DOP1A: variants seen among roughly 807,000 people sequenced by gnomAD.
DOP1A encodes the protein DOP1 leucine zipper like protein A.
In DOP1A, 90 loss-of-function variants were observed where a neutral mutation model predicts 267.6. The observed-to-expected ratio is 0.34, with a 90% CI of 0.28 to 0.40. The LOEUF (loss-of-function observed/expected upper bound fraction) is 0.40, where lower values mean the gene tolerates loss of function less well. Among genes scored for constraint, DOP1A ranks in the 10% least tolerant of loss-of-function variants. The probability of loss-of-function intolerance (pLI) is 1.00; values close to 1 mark genes in which losing one functional copy is unlikely to be tolerated. For synonymous variants in DOP1A, 932 were observed against 999.1 expected (o/e 0.93, Z 1.27); for missense variants, 2,437 against 2,900.4 (o/e 0.84, Z 3.67).
At chr6:83,154,145 A>G in intron 32 of DOP1A, 35 bp from the exon 33 acceptor site, 1 of 1,611,792 alleles carries the variant, frequency 6.2e-7, no homozygotes. Context: ...AACAGTAACA[A>G]CATAATTACA....
chr6:83,153,299 C>A, intron 30 of DOP1A: 1 of 336,092 alleles, frequency 3.0e-6, no homozygotes, highest in Non-Finnish European at 5.3e-6. Flanking sequence ...TTGGAAATGG[C>A]AAGATTTGCC....
Position 83,148,818 on chromosome 6 carries a change from C to A in DOP1A, c.5792C>A (p.Ser1931Tyr). 6.4e-7 allele frequency: 1 copy of A among 1,555,374 alleles called. No individual in the cohort carries two copies. Among genetic ancestry groups the A allele is most frequent in the Non-Finnish European group, 8.6e-7 (1 of 1,160,628 alleles). The part of the protein sequence containing the change: ...WASLLILLKD[S>Y]IQLSLPAPGQ... ...TCACTGTTGATACTTCTGAAAGACT[C>A]TATACAACTGAGTCTTCCAGCTCCA... is the stretch of plus-strand genomic sequence containing the variant. The change falls in exon 27 of 39, where the codon TCT becomes TAT. Residue 1931 changes from serine (S) to tyrosine (Y), a missense_variant. This residue lies in a region of DOP1A where 216 missense variants were observed against 283.3 expected (regional missense o/e 0.76). Coordinates refer to ENST00000349129, the MANE Select transcript of DOP1A (RefSeq NM_015018.4).
chr6:83,147,579 T>G (rs902441370), intron 26 of DOP1A, among the ~76,000 whole-genome samples: 4 of 152,234 alleles, frequency 2.6e-5, no homozygotes, highest in Admixed American at 2.0e-4. Context: ...TCTGCTTTTT[T>G]AATGTTAGGA....
chr6:83,102,692 T>C (rs971349316), intron 4 of DOP1A, among the ~76,000 whole-genome samples: 2 of 152,198 alleles, frequency 1.3e-5, no homozygotes, highest in African/African-American at 2.4e-5. Context: ...ACCAGTGTAA[T>C]CTTTTTAATA....
intron 1 of DOP1A, among the ~76,000 whole-genome samples, chr6:83,085,246 C>T (rs1200918942): frequency 6.6e-6 from 1 of 152,052 alleles, no homozygotes; most frequent in Non-Finnish European, 1.5e-5. Context: ...TATTTGAGGC[C>T]CTACTGTTTA....
intron 38 of DOP1A, chr6:83,166,348 T>C (rs1237479007): frequency 1.4e-6 from 1 of 693,430 alleles, no homozygotes; most frequent in Non-Finnish European, 2.6e-6. Flanking sequence ...ACTCCTCATC[T>C]TCAAGGCTCT....
intron 38 of DOP1A, chr6:83,167,178 G>A (rs1322213972): frequency 2.6e-5 from 23 of 892,380 alleles, no homozygotes; most frequent in Non-Finnish European, 3.1e-5. Context: ...TTTTATAAGT[G>A]AGGAACCTTT....
At chr6:83,103,520 CAA>C (rs774951177) in intron 4 of DOP1A, among the ~76,000 whole-genome samples, 3 of 152,172 alleles carry the variant, frequency 2.0e-5, no homozygotes, top group Non-Finnish European at 4.4e-5. Context: ...TGCCTTTCAC[CAA>C]TTTTGGAAAA....
At chr6:83,108,084 G>A (rs888018782) in intron 4 of DOP1A, among the ~76,000 whole-genome samples, 15 of 152,210 alleles carry the variant, frequency 9.9e-5, no homozygotes, top group Non-Finnish European at 1.9e-4. Context: ...GTAGCTATCT[G>A]GTGGAGATAC....
At chr6:83,157,394 TATTA>T in intron 35 of DOP1A, 76 bp downstream of exon 35, 7 of 1,438,474 alleles carry the variant, frequency 4.9e-6, no homozygotes, top group Non-Finnish European at 6.8e-6. Context: ...GCTTACTAGA[TATTA>T]ACGAATATTG....
At position 83,091,487 on chromosome 6, in the gene DOP1A, T is replaced by C. The variant is rs540482780; in HGVS notation, c.-146-5244T>C. Among the ~76,000 whole-genome samples, 115 of 152,050 alleles carry C rather than the reference T, an allele frequency of 7.6e-4. 1 individual carries two copies. Among genetic ancestry groups the C allele is most frequent in the Middle Eastern group, 6.8e-3 (2 of 294 alleles). ...TTTAAATATTTAGGAATTTATTGCCTAAAAAAAAGTAAGAAAGTTCAAATT... is the reference window on the plus strand; with the variant it reads ...TTTAAATATTTAGGAATTTATTGCCCAAAAAAAAGTAAGAAAGTTCAAATT... On this transcript the variant is annotated intron_variant, in intron 1 of 38. Transcript: ENST00000349129.
At position 83,124,789 on chromosome 6, in the gene DOP1A, G is replaced by A. The variant is rs1436248647; in HGVS notation, c.1425G>A (p.Leu475=). 6.2e-7 allele frequency: 1 copy of A among 1,613,056 alleles called. No individual in the cohort carries two copies. Among genetic ancestry groups the A allele is most frequent in the Non-Finnish European group, 8.5e-7 (1 of 1,179,512 alleles). The part of the protein sequence containing the change: ...SELQLTNFCL[L]VDFLLDIVSL... The stretch of plus-strand genomic sequence containing the variant: ...TACAGCTGACCAATTTCTGCTTACT[G>A]GTGGATTTTTTGTTGGACATAGTTT... Residue 475 remains leucine (L), a synonymous_variant, in exon 13 of 39, where the codon CTG becomes CTA. Transcript: ENST00000349129.
chr6:83,070,344 T>C (rs1342273660), intron 1 of DOP1A, among the ~76,000 whole-genome samples: 1 of 152,212 alleles, frequency 6.6e-6, no homozygotes, highest in African/African-American at 2.4e-5. Flanking sequence ...CGGTTTCCCT[T>C]TTTCCTTTAT....
chr6:83,163,091 G>C (rs1226314326), intron 38 of DOP1A, among the ~76,000 whole-genome samples, 172 bp downstream of exon 38: 1 of 152,070 alleles, frequency 6.6e-6, no homozygotes, highest in Admixed American at 6.6e-5. Context: ...CCAGACATTA[G>C]AAAACATATC....
At chr6:83,132,036 TA>T in intron 17 of DOP1A, 139 bp from the exon 18 acceptor site, 1 of 927,058 alleles carries the variant, frequency 1.1e-6, no homozygotes, top group Non-Finnish European at 1.6e-6. Context: ...ACTGCCTTAG[TA>T]ACCTCATCCC....
chr6:83,169,742 T>C, downstream of DOP1A: 1 of 458,330 alleles, frequency 2.2e-6, no homozygotes, highest in Non-Finnish European at 4.4e-6. Context: ...CCTGATTCCC[T>C]ATTCAGCGCA....
chr6:83,074,699 G>A (rs1010162327), intron 1 of DOP1A, among the ~76,000 whole-genome samples: 1 of 152,164 alleles, frequency 6.6e-6, no homozygotes, highest in African/African-American at 2.4e-5. Context: ...AGGTAGGCTA[G>A]GCTAAGTAAT....
At chr6:83,102,912 G>T (rs1251800628) in intron 4 of DOP1A, among the ~76,000 whole-genome samples, 1 of 152,050 alleles carries the variant, frequency 6.6e-6, no homozygotes, top group Admixed American at 6.6e-5. Context: ...AGGTCCACAG[G>T]TCTCTTTGCT....
At chr6:83,094,341 T>C (rs1297392450) in intron 1 of DOP1A, among the ~76,000 whole-genome samples, 1 of 152,240 alleles carries the variant, frequency 6.6e-6, no homozygotes, top group Admixed American at 6.5e-5. Flanking sequence ...TTGGCTATTA[T>C]GAATAATGCA....
Sources: allele counts gnomAD v4.1 joint callset (sites outside exome capture counted in the v4.1 genomes callset), GRCh38; gene constraint gnomAD v4.1.1; regional missense constraint gnomAD v4.1.1; transcripts MANE v1.5; gene names NCBI Gene and HGNC (gene_info 2026-07-23, HGNC 2026-07-21).